The following ZBTB20 variants were observed in gnomAD, a reference collection of about 807,000 sequenced individuals.
ZBTB20 encodes zinc finger and BTB domain containing 20.
Under a neutral mutation model 56.9 loss-of-function variants are expected in ZBTB20, and 9 were observed. That is an observed-to-expected ratio of 0.16 (90% confidence interval 0.10 to 0.28). The LOEUF is 0.28. ZBTB20 is among the 10% of genes least tolerant of loss of function. The probability of loss-of-function intolerance (pLI) is 1.00; values close to 1 mark genes in which losing one functional copy is unlikely to be tolerated. For synonymous variants in ZBTB20, 417 were observed against 420.7 expected (o/e 0.99, Z 0.11); for missense variants, 655 against 1,003.0 (o/e 0.65, Z 4.69).
chr3:114,789,536 T>C (rs1322867425), intron 5 of ZBTB20, among the ~76,000 whole-genome samples: 1 of 152,112 alleles, frequency 6.6e-6, no homozygotes, highest in Non-Finnish European at 1.5e-5. Flanking sequence ...TGAGACAAAA[T>C]GATCCTGAGT....
In ZBTB20 at chr3:114,351,838, G is replaced by T; in HGVS notation, c.240C>A (p.Ser80Arg). The change falls in exon 11 of 12, where the codon AGC becomes AGA. Residue 80 changes from serine to arginine, a missense_variant. Physicochemically the swap from Ser to Arg is moderately radical, Grantham distance 110. Coordinates refer to ENST00000675478, the MANE Select transcript of ZBTB20 (RefSeq NM_001348800.3). ...AATTGCTGAAGTTGTGAAGGTTGAT[G>T]CTGTGAATGCGCTCGGTCATCCCCT... is the stretch of plus-strand genomic sequence containing the variant. Reference protein sequence around the residue: ...SCKGMTERIHSINLHNFSNSV... With the variant: ...SCKGMTERIHRINLHNFSNSV... 6.2e-7 allele frequency: 1 copy of T among 1,602,696 alleles called. No homozygotes were observed. The highest frequency in any genetic ancestry group is 8.5e-7 in the Non-Finnish European group (1 of 1,170,740).
At chr3:114,670,096 T>G (rs1369795704) in intron 6 of ZBTB20, among the ~76,000 whole-genome samples, 3 of 152,082 alleles carry the variant, frequency 2.0e-5, no homozygotes, top group Admixed American at 2.0e-4. Context: ...CACATATTTT[T>G]CTAATGAAAG....
chr3:114,348,709 T>C (rs1043658890), intron 11 of ZBTB20, among the ~76,000 whole-genome samples: 10 of 152,234 alleles, frequency 6.6e-5, no homozygotes, highest in Non-Finnish European at 1.5e-4. Context: ...TACAATTCCA[T>C]GTTTGATGCC....
At chr3:114,355,495 C>T (rs1013837826) in intron 10 of ZBTB20, among the ~76,000 whole-genome samples, 2 of 152,158 alleles carry the variant, frequency 1.3e-5, no homozygotes, top group Admixed American at 1.3e-4. Flanking sequence ...ACCCTGCCTC[C>T]CCATTCAAGC....
chr3:114,538,394 C>A (rs1195371837), intron 6 of ZBTB20, among the ~76,000 whole-genome samples: 4 of 152,042 alleles, frequency 2.6e-5, no homozygotes, highest in Non-Finnish European at 5.9e-5. Flanking sequence ...TTTTCTTTCC[C>A]CAGTGTGATA....
intron 1 of ZBTB20, among the ~76,000 whole-genome samples, chr3:115,109,630 A>G (rs1413459078): frequency 6.6e-6 from 1 of 152,202 alleles, no homozygotes; most frequent in East Asian, 1.9e-4. Flanking sequence ...TAGAATGTGT[A>G]AGGAATAGAA....
Position 114,351,585 on chromosome 3 carries a change from C to G in ZBTB20, c.493G>C (p.Val165Leu). 6.2e-7 allele frequency: 1 copy of G among 1,614,106 alleles called. No homozygotes were observed. Among genetic ancestry groups the G allele is most frequent in the Non-Finnish European group, 8.5e-7 (1 of 1,180,032 alleles). Reference sequence around the variant, plus strand: ...ATCTGCAGAGCTTCCGACTGCGAGACCCGTAGCACGCCGCTGTACATGAAG... The same window carrying G: ...ATCTGCAGAGCTTCCGACTGCGAGAGCCGTAGCACGCCGCTGTACATGAAG... ...IDFMYSGVLR[V>L]SQSEALQILT... Residue 165 changes from valine (V) to leucine (L), a missense_variant, in exon 11 of 12, where the codon GTC becomes CTC. Coordinates refer to ENST00000675478, the MANE Select transcript of ZBTB20 (RefSeq NM_001348800.3).
chr3:114,769,946 G>A (rs886955098), intron 5 of ZBTB20, among the ~76,000 whole-genome samples: 1 of 151,310 alleles, frequency 6.6e-6, no homozygotes, highest in African/African-American at 2.4e-5. Context: ...GTAATCCTAG[G>A]TGCTCCAGAG....
chr3:115,093,827 CT>C (rs1241312173), intron 1 of ZBTB20, among the ~76,000 whole-genome samples: 2 of 152,124 alleles, frequency 1.3e-5, no homozygotes, highest in Non-Finnish European at 2.9e-5. Context: ...CTATGATCTT[CT>C]TTGGTGGTAC....
chr3:114,783,374 C>CA (rs2070254963), intron 5 of ZBTB20, among the ~76,000 whole-genome samples: 1 of 152,138 alleles, frequency 6.6e-6, no homozygotes, highest in Non-Finnish European at 1.5e-5. Context: ...GTTTGCTATT[C>CA]AAAATCTTGC....
chr3:114,627,351 TAAAG>T (rs973161498), intron 6 of ZBTB20, among the ~76,000 whole-genome samples: 15 of 152,292 alleles, frequency 9.8e-5, no homozygotes, highest in Admixed American at 6.5e-4. Context: ...CGCTTCCAAA[TAAAG>T]AAAATTATTT....
At chr3:114,885,506 T>C (rs2107606557) in intron 4 of ZBTB20, among the ~76,000 whole-genome samples, 1 of 152,338 alleles carries the variant, frequency 6.6e-6, no homozygotes. Flanking sequence ...TGTAATTATT[T>C]ACTCATGATA....
chr3:114,649,511 C>T (rs867338307), intron 6 of ZBTB20, among the ~76,000 whole-genome samples: 3 of 151,856 alleles, frequency 2.0e-5, no homozygotes, highest in Non-Finnish European at 2.9e-5. Context: ...CAAGTCTCTG[C>T]TTTGTGACTC....
chr3:114,405,500 T>C (rs1239158228), intron 7 of ZBTB20, among the ~76,000 whole-genome samples: 1 of 152,156 alleles, frequency 6.6e-6, no homozygotes, highest in Non-Finnish European at 1.5e-5. Flanking sequence ...CCATGATATA[T>C]CTTGAGAGTA....
rs968516921 is a variant in ZBTB20, at chr3:114,590,540, AAAAT to A, written c.-294-90153_-294-90150del. On this transcript the variant is annotated intron_variant, in intron 6 of 11. Transcript: ENST00000675478. ...AATAAATAAAAAATAAACAAAAATA[AAAAT>A]AAATAAATAAATAAAAATTTCAGCA... 2.9e-4 allele frequency among the ~76,000 whole-genome samples: 43 copies of A among 150,872 alleles called. No homozygotes were observed. In the South Asian group the frequency reaches 5.0e-3, roughly 17 times the overall value.
At chr3:114,788,336 T>C (rs1030767169) in intron 5 of ZBTB20, among the ~76,000 whole-genome samples, 1 of 152,164 alleles carries the variant, frequency 6.6e-6, no homozygotes, top group East Asian at 1.9e-4. Context: ...ATTCAAACTG[T>C]GTAACCATTA....
chr3:115,137,453 C>G (rs1243842009), intron 1 of ZBTB20, among the ~76,000 whole-genome samples: 1 of 151,802 alleles, frequency 6.6e-6, no homozygotes, highest in Non-Finnish European at 1.5e-5. Context: ...AAATATAATC[C>G]AAAGTCATGT....
chr3:114,853,294 C>T (rs1157287219), intron 4 of ZBTB20, among the ~76,000 whole-genome samples: 1 of 152,200 alleles, frequency 6.6e-6, no homozygotes, highest in Non-Finnish European at 1.5e-5. Flanking sequence ...TTTGGATGTT[C>T]TACCTGCTGC....
At chr3:114,734,316 T>C (rs2065976311) in intron 5 of ZBTB20, among the ~76,000 whole-genome samples, 1 of 152,118 alleles carries the variant, frequency 6.6e-6, no homozygotes, top group South Asian at 2.1e-4. Flanking sequence ...ACAAGTTAAT[T>C]ATGTACAATA....
Sources: gnomAD v4.1 joint callset for allele counts (sites outside exome capture counted in the v4.1 genomes callset) on GRCh38, gnomAD v4.1.1 for gene constraint, MANE v1.5 for transcripts, NCBI Gene and HGNC (gene_info 2026-07-23, HGNC 2026-07-21) for gene names.